PAX7: variants seen among roughly 807,000 people sequenced by gnomAD.
PAX7 encodes paired box protein Pax-7.
A neutral mutation model predicts 50.7 loss-of-function variants in PAX7; 18 were observed. The ratio of observed to expected loss-of-function variants is 0.36; its 90% confidence interval spans 0.25 to 0.53. The LOEUF (loss-of-function observed/expected upper bound fraction) is 0.53, where lower values mean the gene tolerates loss of function less well. Ranked by LOEUF, PAX7 falls within the 20% of genes least tolerant of loss-of-function variation. The pLI, the probability that PAX7 is intolerant of heterozygous loss-of-function variation, is 0.93. For missense variants in PAX7, 644 were observed against 702.9 expected (o/e 0.92, Z 0.95); for synonymous variants, 310 against 290.4 (o/e 1.07, Z -0.69).
At chr1:18,692,545 A>AAAAG (rs1483518612) in intron 5 of PAX7, among the ~76,000 whole-genome samples, 7 of 152,010 alleles carry the variant, frequency 4.6e-5, no homozygotes, top group Non-Finnish European at 8.8e-5. Flanking sequence ...CCATCTCACA[A>AAAAG]AAAGAAAGAA....
chr1:18,721,798 A>C (rs1177071831), intron 7 of PAX7, among the ~76,000 whole-genome samples: 1 of 152,246 alleles, frequency 6.6e-6, no homozygotes, highest in Non-Finnish European at 1.5e-5. Context: ...CAGCAACTTG[A>C]AGGCCCTGTG....
At chr1:18,684,338 G>C (rs1570167746) in intron 4 of PAX7, among the ~76,000 whole-genome samples, 2 of 152,336 alleles carry the variant, frequency 1.3e-5, no homozygotes, top group East Asian at 3.9e-4. Flanking sequence ...CCAATGCTGA[G>C]ATGAGCTCCC....
At chr1:18,654,275 C>A (rs2088478799) in intron 4 of PAX7, among the ~76,000 whole-genome samples, 1 of 151,988 alleles carries the variant, frequency 6.6e-6, no homozygotes, top group Non-Finnish European at 1.5e-5. Flanking sequence ...AAGAACACTT[C>A]GCTCAAGTGC....
intron 3 of PAX7, among the ~76,000 whole-genome samples, chr1:18,635,547 A>C (rs1234278254): frequency 1.3e-5 from 2 of 151,594 alleles, no homozygotes; most frequent in Non-Finnish European, 1.5e-5. Flanking sequence ...GGAAGGAAGG[A>C]AAGCAGGCAG....
rs961831526 is a variant in PAX7, at chr1:18,634,410, C to T, written c.193C>T (p.His65Tyr). Residue 65 changes from histidine (H) to tyrosine (Y), a missense_variant, in exon 2 of 9, where the codon CAT becomes TAT. Coordinates refer to ENST00000420770, the MANE Select transcript of PAX7 (RefSeq NM_001135254.2). The surrounding 1 kb of genome is among the most constrained non-coding windows in gnomAD (Gnocchi z 4.0). ...IRHKIVEMAH[H>Y]GIRPCVISRQ... ...CCACAAGATAGTGGAGATGGCCCAC[C>T]ATGGCATCCGGCCCTGTGTCATCTC... 7 of 1,614,208 alleles carry T rather than the reference C, an allele frequency of 4.3e-6. No individual in the cohort carries two copies. Among genetic ancestry groups the T allele is most frequent in the Non-Finnish European group, 5.9e-6 (7 of 1,180,048 alleles).
chr1:18,703,356 A>G, intron 7 of PAX7, 60 bp downstream of exon 7: 2 of 1,467,882 alleles, frequency 1.4e-6, no homozygotes, highest in Non-Finnish European at 1.9e-6. Context: ...ACATCTGCAG[A>G]CAGCACGTGG....
In PAX7 at chr1:18,708,288, G is replaced by T. The variant is rs1478338689; in HGVS notation, c.1155+4992G>T. Reference sequence around the variant, plus strand: ...AACAACTTAGAGGTGGGGTGCCGTGGCTCACATCTGTAGTCCCAGCACTTT... The same window carrying T: ...AACAACTTAGAGGTGGGGTGCCGTGTCTCACATCTGTAGTCCCAGCACTTT... On this transcript the variant is annotated intron_variant, in intron 7 of 8. Transcript: ENST00000420770. Among the ~76,000 whole-genome samples the T allele has an allele frequency of 2.0e-5, 3 of 152,276 alleles. No individual in the cohort carries two copies. The South Asian group carries it at 6.2e-4, about 32-fold the overall frequency.
intron 7 of PAX7, among the ~76,000 whole-genome samples, chr1:18,715,202 C>T (rs966354999): frequency 1.3e-5 from 2 of 152,046 alleles, no homozygotes; most frequent in African/African-American, 4.8e-5. Context: ...CAAGCCCACC[C>T]GTACTTCTTT....
intron 8 of PAX7, among the ~76,000 whole-genome samples, chr1:18,737,659 T>G (rs926725395): frequency 6.6e-6 from 1 of 152,296 alleles, no homozygotes; most frequent in African/African-American, 2.4e-5. Flanking sequence ...TGACTTCACA[T>G]GCGTGCACAT....
rs1269310996 is a variant in PAX7, at chr1:18,747,179, C to T, written c.*2250C>T. 1 of 230,412 alleles carries T rather than the reference C, an allele frequency of 4.3e-6. No homozygotes were observed. The highest frequency in any genetic ancestry group is 8.6e-6 in the Non-Finnish European group (1 of 116,330). 14.3% of individuals were successfully genotyped at this position (230,412 alleles called of 1,614,324 possible). On this transcript the variant is annotated 3_prime_UTR_variant, in exon 9 of 9. Transcript: ENST00000420770. ...AAGTATCTGAGTATCCTGACACCCT[C>T]TGTGACTCAGGAGCAGGGATCTCAG...
At chr1:18,740,348 T>C (rs1463172398) in intron 8 of PAX7, among the ~76,000 whole-genome samples, 1 of 152,100 alleles carries the variant, frequency 6.6e-6, no homozygotes, top group Non-Finnish European at 1.5e-5. Context: ...GCTGGGCCCA[T>C]GGGCTGGTCG....
At chr1:18,633,607 G>C (rs1239783060) in intron 1 of PAX7, among the ~76,000 whole-genome samples, 1 of 152,222 alleles carries the variant, frequency 6.6e-6, no homozygotes, top group Non-Finnish European at 1.5e-5. Context: ...TTAGGACTTC[G>C]AGGGTGGTTA....
chr1:18,732,093 T>C (rs2089653526), intron 7 of PAX7, among the ~76,000 whole-genome samples: 2 of 152,222 alleles, frequency 1.3e-5, no homozygotes, highest in African/African-American at 2.4e-5. Flanking sequence ...CCTCGTCTTC[T>C]CAGGGCTGTT....
chr1:18,634,313 G>C lies in PAX7; in HGVS notation c.96G>C (p.Pro32=), dbSNP rs531880240. The C allele has an allele frequency of 6.2e-7, 1 of 1,613,572 alleles. No individual in the cohort carries two copies. The highest frequency in any genetic ancestry group is 8.5e-7 in the Non-Finnish European group (1 of 1,179,870). The change falls in exon 2 of 9, where the codon CCG becomes CCC. Residue 32 remains proline (P), a synonymous_variant. Coordinates refer to ENST00000420770, the MANE Select transcript of PAX7 (RefSeq NM_001135254.2). This position sits in a 1 kb window ranked among gnomAD's most constrained non-coding sequence, Gnocchi z 4.0. ...CCCTCCCTTCTCCAGTGTCCACCCC[G>C]CTTGGCCAAGGCCGGGTCAATCAGC... ...RTGFPLEVST[P]LGQGRVNQLG...
chr1:18,704,029 G>C (rs1287662183), intron 7 of PAX7, among the ~76,000 whole-genome samples: 1 of 152,188 alleles, frequency 6.6e-6, no homozygotes, highest in Non-Finnish European at 1.5e-5. Context: ...AGAGGTGCTT[G>C]CCACATTCAA....
At chr1:18,681,807 A>G (rs1446433671) in intron 4 of PAX7, among the ~76,000 whole-genome samples, 2 of 150,508 alleles carry the variant, frequency 1.3e-5, no homozygotes, top group African/African-American at 4.9e-5. Context: ...GCTGGAGTGC[A>G]ATGGTGCAAT....
chr1:18,738,190 T>C (rs1930910093), intron 8 of PAX7, among the ~76,000 whole-genome samples: 1 of 152,076 alleles, frequency 6.6e-6, no homozygotes, highest in Non-Finnish European at 1.5e-5. Flanking sequence ...GCATGTATAT[T>C]TGAGAGCAGG....
At position 18,634,985 on chromosome 1, in the gene PAX7, G is replaced by C; in HGVS notation, c.322-126G>C. ...AAAGGATAAAGCCAATCTCTTGGGG[G>C]ATGGGGGGACACAAGGTAACCAGAA... On this transcript the variant is annotated intron_variant, in intron 2 of 8. Transcript: ENST00000420770. The surrounding 1 kb of genome is among the most constrained non-coding windows in gnomAD (Gnocchi z 4.0). The C allele has an allele frequency of 8.3e-7, 1 of 1,198,802 alleles. No homozygotes were observed. Among genetic ancestry groups the C allele is most frequent in the Non-Finnish European group, 1.2e-6 (1 of 866,802 alleles). The allele number at this position is 1,198,802 out of a possible 1,614,324, so 74.3% of individuals were successfully genotyped here.
At chr1:18,668,280 G>A (rs374115477) in intron 4 of PAX7, among the ~76,000 whole-genome samples, 7 of 152,186 alleles carry the variant, frequency 4.6e-5, no homozygotes, top group South Asian at 2.1e-4. Flanking sequence ...GAATTTCAAC[G>A]TCCTGGCCCA....
Sources: allele counts gnomAD v4.1 joint callset (sites outside exome capture counted in the v4.1 genomes callset), GRCh38; gene constraint gnomAD v4.1.1; non-coding constraint Gnocchi (gnomAD v3.1); transcripts MANE v1.5; gene names NCBI Gene and HGNC (gene_info 2026-07-23, HGNC 2026-07-21).